The following DAZAP1 variants were observed in gnomAD, a reference collection of about 807,000 sequenced individuals.
The protein encoded by DAZAP1 is DAZ associated protein 1.
A neutral mutation model predicts 60.1 loss-of-function variants in DAZAP1; 6 were observed. The ratio of observed to expected loss-of-function variants is 0.10; its 90% CI spans 0.05 to 0.20. The LOEUF (loss-of-function observed/expected upper bound fraction) is 0.20, where lower values mean the gene tolerates loss of function less well. Among genes scored for constraint, DAZAP1 ranks in the 10% least tolerant of loss-of-function variants. The pLI is 1.00. For synonymous variants in DAZAP1, 235 were observed against 215.9 expected, an observed-to-expected ratio of 1.09 and a Z score of -0.78; for missense variants, 366 against 560.4, an observed-to-expected ratio of 0.65 and a Z score of 3.50.
chr19:1,417,539 A>T lies in DAZAP1; in HGVS notation c.69A>T (p.Gln23His). ...GCGGTCTTGACTGGAGCACGACCCA[A>T]GGTAGGTGGGGAAGGGGTGTCAGGT... The part of the protein sequence containing the change: ...FVGGLDWSTT[Q>H]ETLRSYFSQY... Residue 23 changes from glutamine to histidine, a missense_variant and splice_region_variant, in exon 2 of 12, where the codon CAA (glutamine) becomes CAT (histidine). This residue lies in a region of DAZAP1 where 98 missense variants were observed against 155.3 expected (regional missense o/e 0.63). Transcript: ENST00000233078. The T allele has an allele frequency of 6.2e-7, 1 of 1,605,322 alleles. No homozygotes were observed. Among genetic ancestry groups the T allele is most frequent in the Non-Finnish European group, 8.5e-7 (1 of 1,176,330 alleles).
rs2083541120 is a variant in DAZAP1 at position 1,434,425 on chromosome 19, T to C, written c.1049-312T>C. The C allele has an allele frequency of 3.0e-6, 1 of 330,226 alleles. No individual in the cohort carries two copies. Among genetic ancestry groups the C allele is most frequent in the Non-Finnish European group, 5.6e-6 (1 of 177,370 alleles). 20.5% of individuals were successfully genotyped at this position (330,226 alleles called of 1,614,324 possible). ...ATGTGTGTCTCCAAGCCCCGAGGCT[T>C]CTCTACCTCCCCTCACCCCCCCAAC... On this transcript the variant is annotated intron_variant, in intron 11 of 11. Transcript: ENST00000233078. This position sits in a 1 kb window ranked among gnomAD's most constrained non-coding sequence, Gnocchi z 8.0.
At position 1,434,382 on chromosome 19, in the gene DAZAP1, T is replaced by C. The variant is rs950786399; in HGVS notation, c.1049-355T>C. 4.2e-6 allele frequency: 1 copy of C among 240,464 alleles called. No individual in the cohort carries two copies. The allele number at this position is 240,464 out of a possible 1,614,324, so 14.9% of individuals were successfully genotyped here. A position where few individuals can be genotyped will look rare whatever the true frequency, so the allele number is the denominator to read the frequency against. On this transcript the variant is annotated intron_variant, in intron 11 of 11. Transcript: ENST00000233078. The surrounding 1 kb of genome is among the most constrained non-coding windows in gnomAD (Gnocchi z 8.0). ...GAGAGCCAGCTTTCTAGAAGCCTGG[T>C]CCACCGTGCCTTGGGCCATGTGTGT...
intron 1 of DAZAP1, among the ~76,000 whole-genome samples, chr19:1,414,434 AAC>A (rs1448601848): frequency 1.3e-5 from 2 of 152,302 alleles, no homozygotes; most frequent in African/African-American, 4.8e-5. Context: ...CTCTCACATG[AAC>A]ACAGCACAGT....
In DAZAP1 at chr19:1,418,503, G is replaced by A; in HGVS notation, c.237+133G>A. The A allele has an allele frequency of 1.4e-6, 2 of 1,437,156 alleles. No individual in the cohort carries two copies. The highest frequency in any genetic ancestry group is 1.7e-5 in the Admixed American group (1 of 57,168). 89.0% of individuals were successfully genotyped at this position (1,437,156 alleles called of 1,614,324 possible). A position where few individuals can be genotyped will look rare whatever the true frequency, so the allele number is the denominator to read the frequency against. Reference sequence around the variant, plus strand: ...CGTGGGGTCGATTGGGAAGGATTAAGCCTTGGTGCTGAGGCTGGATATTGC... The same window carrying A: ...CGTGGGGTCGATTGGGAAGGATTAAACCTTGGTGCTGAGGCTGGATATTGC... On this transcript the variant is annotated intron_variant, in intron 3 of 11. Coordinates refer to ENST00000233078, the MANE Select transcript of DAZAP1 (RefSeq NM_018959.4). The surrounding 1 kb of genome is among the most constrained non-coding windows in gnomAD (Gnocchi z 5.7).
At chr19:1,424,889 A>G (rs698748) in intron 6 of DAZAP1, among the ~76,000 whole-genome samples, 100,746 of 152,078 alleles carry the variant, frequency 0.66, 34,494 homozygotes, top group African/African-American at 0.85. Flanking sequence ...TTGCGGTGTC[A>G]CGCTCCACCT....
Position 1,418,572 on chromosome 19 carries a change from G to GGGCTGCTGTGCCGT in DAZAP1, c.238-84_238-71dup, listed in dbSNP as rs1180870290. The GGGCTGCTGTGCCGT allele has an allele frequency of 2.6e-6, 4 of 1,529,044 alleles. No homozygotes were observed. The highest frequency in any genetic ancestry group is 1.4e-5 in the African/African-American group (1 of 73,364). 94.7% of individuals were successfully genotyped at this position (1,529,044 alleles called of 1,614,324 possible). A position where few individuals can be genotyped will look rare whatever the true frequency, so the allele number is the denominator to read the frequency against. On this transcript the variant is annotated intron_variant, in intron 3 of 11. Transcript: ENST00000233078. This position sits in a 1 kb window ranked among gnomAD's most constrained non-coding sequence, Gnocchi z 5.7. ...TGGAGCCGGCGGGGCGGGGCGGGCC[G>GGGCTGCTGTGCCGT]GGCTGCTGTGCCGTGGCTGCTGTTG...
Position 1,421,130 on chromosome 19 carries a change from C to T in DAZAP1, c.304-18C>T, listed in dbSNP as rs780966571. 1.3e-5 allele frequency: 21 copies of T among 1,610,616 alleles called. No homozygotes were observed. Among genetic ancestry groups the T allele is most frequent in the Middle Eastern group, 1.6e-4 (1 of 6,078 alleles). ...GAGGGTTCCCGTGTGAACTAACTAT[C>T]CTTCCCTTCTTCAACAGCAGAAAGG... On this transcript the variant is annotated intron_variant, in intron 4 of 11. Transcript: ENST00000233078.
chr19:1,418,192 A>T lies in DAZAP1; in HGVS notation c.71-12A>T. The T allele has an allele frequency of 6.2e-7, 1 of 1,613,166 alleles. No homozygotes were observed. The highest frequency in any genetic ancestry group is 8.5e-7 in the Non-Finnish European group (1 of 1,179,224). ...CCTGTGTGTTTGTGTTTTCTTCCCG[A>T]TTTCTGAGCAGAGACTCTGCGCAGC... On this transcript the variant is annotated splice_polypyrimidine_tract_variant and intron_variant, in intron 2 of 11. Coordinates refer to ENST00000233078, the MANE Select transcript of DAZAP1 (RefSeq NM_018959.4). This position sits in a 1 kb window ranked among gnomAD's most constrained non-coding sequence, Gnocchi z 5.7.
intron 10 of DAZAP1, among the ~76,000 whole-genome samples, chr19:1,430,825 A>G (rs2083431648): frequency 6.7e-6 from 1 of 149,308 alleles, no homozygotes; most frequent in African/African-American, 2.5e-5. Flanking sequence ...GGTTCACACC[A>G]TTCTCCTGCC....
rs1881778488 is a variant in DAZAP1 at position 1,418,463 on chromosome 19, T to C, written c.237+93T>C. 6.6e-7 allele frequency: 1 copy of C among 1,514,762 alleles called. No individual in the cohort carries two copies. Among genetic ancestry groups the C allele is most frequent in the Non-Finnish European group, 9.1e-7 (1 of 1,099,904 alleles). The allele number at this position is 1,514,762 out of a possible 1,614,324, so 93.8% of individuals were successfully genotyped here. A position where few individuals can be genotyped will look rare whatever the true frequency, so the allele number is the denominator to read the frequency against. ...CCTGGACTCTGACCGATGTTTGCGT[T>C]AGAGTATGTTTGAACGTGGGGTCGA... On this transcript the variant is annotated intron_variant, in intron 3 of 11. Coordinates refer to ENST00000233078, the MANE Select transcript of DAZAP1 (RefSeq NM_018959.4). The surrounding 1 kb of genome is among the most constrained non-coding windows in gnomAD (Gnocchi z 5.7).
rs2082706570 is a variant in DAZAP1, at chr19:1,407,756, G to A, written c.-18G>A. ...GCGAGGAGGCCCGGGAGCGCCGAGC[G>A]TCGCCGCCGCCGCCGCCATGAACAA... On this transcript the variant is annotated 5_prime_UTR_variant, in exon 1 of 12. Transcript: ENST00000233078. The A allele has an allele frequency of 9.2e-7, 1 of 1,088,670 alleles. No individual in the cohort carries two copies. Among genetic ancestry groups the A allele is most frequent in the East Asian group, 5.5e-5 (1 of 18,272 alleles). 67.4% of individuals were successfully genotyped at this position (1,088,670 alleles called of 1,614,324 possible).
rs2083312427 is a variant in DAZAP1 at position 1,426,726 on chromosome 19, C to G, written c.546+766C>G. 1 of 152,166 alleles carries G rather than the reference C, an allele frequency of 6.6e-6. No homozygotes were observed. Among genetic ancestry groups the G allele is most frequent in the Admixed American group, 6.5e-5 (1 of 15,274 alleles). 9.4% of individuals were successfully genotyped at this position (152,166 alleles called of 1,614,324 possible). A position where few individuals can be genotyped will look rare whatever the true frequency, so the allele number is the denominator to read the frequency against. ...ACAGTGTGGAATTTCTTGCAGTTAG[C>G]AAAAGCTTAGGGGTCCAGGTTTTTG... On this transcript the variant is annotated intron_variant, in intron 7 of 11. Transcript: ENST00000233078. This position sits in a 1 kb window ranked among gnomAD's most constrained non-coding sequence, Gnocchi z 5.4.
Position 1,426,815 on chromosome 19 carries a change from A to G in DAZAP1, c.546+855A>G, listed in dbSNP as rs942459096. On this transcript the variant is annotated intron_variant, in intron 7 of 11. Transcript: ENST00000233078. This position sits in a 1 kb window ranked among gnomAD's most constrained non-coding sequence, Gnocchi z 5.4. ...TGCTGGCTCTGCCAGGCCGCCTCAC[A>G]TGCCCAGTGGGATTCTGACCCGGCC... 1 of 152,202 alleles carries G rather than the reference A, an allele frequency of 6.6e-6. No homozygotes were observed. The allele number at this position is 152,202 out of a possible 1,614,324, so 9.4% of individuals were successfully genotyped here. A position where few individuals can be genotyped will look rare whatever the true frequency, so the allele number is the denominator to read the frequency against.
In DAZAP1 at chr19:1,425,480, G is replaced by A. The variant is rs1444301011; in HGVS notation, c.464-398G>A. On this transcript the variant is annotated intron_variant, in intron 6 of 11. Transcript: ENST00000233078. The surrounding 1 kb of genome is among the most constrained non-coding windows in gnomAD (Gnocchi z 5.4). ...GGCGAGAGCCAGAATATTCAAGCAC[G>A]GGCCTCTGACCCTCCCCTGGGGGGC... 6.6e-6 allele frequency among the ~76,000 whole-genome samples: 1 copy of A among 152,226 alleles called. No homozygotes were observed. The highest frequency in any genetic ancestry group is 2.4e-5 in the African/African-American group (1 of 41,458).
chr19:1,430,077 C>G (rs1017269668), intron 9 of DAZAP1, 81 bp downstream of exon 9: 1 of 1,582,490 alleles, frequency 6.3e-7, no homozygotes, highest in African/African-American at 1.3e-5. Context: ...GGGCAGCCGG[C>G]AAAGCCTGGT....
chr19:1,430,029 CAG>C (rs1275935880), intron 9 of DAZAP1, 33 bp downstream of exon 9: 2 of 1,576,214 alleles, frequency 1.3e-6, no homozygotes, highest in Admixed American at 3.7e-5. Context: ...AAGGCGGGGA[CAG>C]AAGCCACATG....
chr19:1,425,554 G>A lies in DAZAP1; in HGVS notation c.464-324G>A, dbSNP rs184783476. 2.4e-4 allele frequency among the ~76,000 whole-genome samples: 37 copies of A among 152,300 alleles called. No individual in the cohort carries two copies. Among genetic ancestry groups the A allele is most frequent in the Admixed American group, 1.4e-3 (21 of 15,298 alleles). Reference sequence around the variant, plus strand: ...AGGCCCTCACCGTTCCCCTGTCTCCGCTGCTGTTTTATAAGATGTGCTCCT... The same window carrying A: ...AGGCCCTCACCGTTCCCCTGTCTCCACTGCTGTTTTATAAGATGTGCTCCT... On this transcript the variant is annotated intron_variant, in intron 6 of 11. Coordinates refer to ENST00000233078, the MANE Select transcript of DAZAP1 (RefSeq NM_018959.4). The surrounding 1 kb of genome is among the most constrained non-coding windows in gnomAD (Gnocchi z 5.4).
At chr19:1,415,877 G>A (rs544311501) in intron 1 of DAZAP1, 6 of 152,262 alleles carry the variant, frequency 3.9e-5, no homozygotes, top group South Asian at 2.1e-4. Context: ...CCTCCCCACC[G>A]AAGAACGGGG....
At position 1,426,991 on chromosome 19, in the gene DAZAP1, T is replaced by C. The variant is rs1451005351; in HGVS notation, c.546+1031T>C. 1.3e-5 allele frequency: 2 copies of C among 152,252 alleles called. No homozygotes were observed. The highest frequency in any genetic ancestry group is 2.9e-5 in the Non-Finnish European group (2 of 68,042). 9.4% of individuals were successfully genotyped at this position (152,252 alleles called of 1,614,324 possible). On this transcript the variant is annotated intron_variant, in intron 7 of 11. Transcript: ENST00000233078. This position sits in a 1 kb window ranked among gnomAD's most constrained non-coding sequence, Gnocchi z 5.4. ...CCTCTACCCCAGCCAGAGGTCTTGA[T>C]AGCAGAACTTTTTTAAAAACAGTAG... is the stretch of plus-strand genomic sequence containing the variant.
Sources: gnomAD v4.1 joint callset for allele counts (sites outside exome capture counted in the v4.1 genomes callset) on GRCh38, gnomAD v4.1.1 for gene constraint, gnomAD v4.1.1 regional missense constraint, Gnocchi (gnomAD v3.1) non-coding constraint, MANE v1.5 for transcripts, NCBI Gene and HGNC (gene_info 2026-07-23, HGNC 2026-07-21) for gene names.